The following TENM3 variants were observed in gnomAD, a reference collection of about 807,000 sequenced individuals.
TENM3 encodes the protein teneurin transmembrane protein 3.
A neutral mutation model predicts 255.1 loss-of-function variants in TENM3; 63 were observed. The observed-to-expected ratio is 0.25, with a 90% CI of 0.20 to 0.30. The LOEUF (loss-of-function observed/expected upper bound fraction) is 0.30. Among genes scored for constraint, TENM3 ranks in the 10% least tolerant of loss-of-function variants. TENM3 has a pLI of 1.00. For synonymous variants in TENM3, 1,306 were observed against 1,322.3 expected (o/e 0.99, Z 0.27); for missense variants, 2,929 against 3,461.1 (o/e 0.85, Z 3.86).
the TENM3 span, among the ~76,000 whole-genome samples, chr4:182,086,168 C>T: frequency 6.6e-6 from 1 of 152,204 alleles, no homozygotes; most frequent in African/African-American, 2.4e-5. Flanking sequence ...ATTGATAACA[C>T]GGTATAATGT....
At chr4:182,169,500 A>C (rs1040167629) in intron 1 of TENM3, 6 of 279,348 alleles carry the variant, frequency 2.1e-5, no homozygotes, top group Non-Finnish European at 4.2e-5. Flanking sequence ...ATATGTGAGG[A>C]GCTTTTTAGA....
intron 5 of TENM3, among the ~76,000 whole-genome samples, chr4:182,638,313 C>T (rs1024006409): frequency 6.6e-6 from 1 of 152,136 alleles, no homozygotes; most frequent in Non-Finnish European, 1.5e-5. Flanking sequence ...TTCATGAGTA[C>T]TCAATCTGTT....
chr4:182,123,589 T>A, the TENM3 span, among the ~76,000 whole-genome samples: 1 of 152,288 alleles, frequency 6.6e-6, no homozygotes, highest in African/African-American at 2.4e-5. Flanking sequence ...CATTTATTGA[T>A]GAAGTGTGCA....
chr4:181,468,119 G>A, the TENM3 span, among the ~76,000 whole-genome samples: 1 of 112,022 alleles, frequency 8.9e-6, no homozygotes, highest in African/African-American at 3.4e-5. Flanking sequence ...ATCACAGGGA[G>A]ACCCCATCTG....
chr4:181,655,484 T>C, the TENM3 span, among the ~76,000 whole-genome samples: 69 of 150,388 alleles, frequency 4.6e-4, no homozygotes, highest in African/African-American at 1.6e-3. Flanking sequence ...GGGAAACAAC[T>C]GTGAGCAAGA....
intron 12 of TENM3, among the ~76,000 whole-genome samples, chr4:182,703,324 C>A (rs998982215): frequency 6.6e-6 from 1 of 152,074 alleles, no homozygotes; most frequent in Non-Finnish European, 1.5e-5. Context: ...ATAACAATTA[C>A]AACAACAAAA....
intron 1 of TENM3, among the ~76,000 whole-genome samples, chr4:182,258,893 C>T: frequency 6.6e-6 from 1 of 152,178 alleles, no homozygotes; most frequent in East Asian, 1.9e-4. Context: ...GAAATGGCTC[C>T]AGAAACTCGA....
intron 3 of TENM3, among the ~76,000 whole-genome samples, chr4:182,569,563 A>G (rs78966576): frequency 2.4e-5 from 2 of 82,354 alleles, no homozygotes; most frequent in African/African-American, 1.4e-4. Context: ...CAAAAAAAGA[A>G]AAAAAAAAAA....
In TENM3 at chr4:182,754,313, C is replaced by CT; in HGVS notation, c.4018-71dup. ...ATTAATGCCAATTTCCCTGAATGGT[C>CT]TAATTTACTCTTCTGGCGAATTAAC... is the stretch of plus-strand genomic sequence containing the variant. On this transcript the variant is annotated intron_variant, in intron 21 of 27. Coordinates refer to ENST00000511685, the MANE Select transcript of TENM3 (RefSeq NM_001080477.4). This position sits in a 1 kb window ranked among gnomAD's most constrained non-coding sequence, Gnocchi z 5.1. 1 of 1,425,798 alleles carries CT rather than the reference C, an allele frequency of 7.0e-7. No individual in the cohort carries two copies. The highest frequency in any genetic ancestry group is 9.3e-7 in the Non-Finnish European group (1 of 1,069,608). The allele number at this position is 1,425,798 out of a possible 1,614,324, so 88.3% of individuals were successfully genotyped here. A position where few individuals can be genotyped will look rare whatever the true frequency, so the allele number is the denominator to read the frequency against.
chr4:181,767,569 G>A, the TENM3 span, among the ~76,000 whole-genome samples: 2 of 152,054 alleles, frequency 1.3e-5, no homozygotes, highest in African/African-American at 4.8e-5. Context: ...GCTTTTGAAT[G>A]TGGAGGCTTC....
chr4:182,539,960 T>G (rs958997141), intron 3 of TENM3, among the ~76,000 whole-genome samples: 5 of 152,226 alleles, frequency 3.3e-5, no homozygotes, highest in Non-Finnish European at 5.9e-5. Flanking sequence ...AGTGTCCTTA[T>G]TGCTGTATCC....
the TENM3 span, among the ~76,000 whole-genome samples, chr4:181,486,027 A>C: frequency 4.0e-5 from 6 of 151,840 alleles, no homozygotes; most frequent in East Asian, 1.9e-4. Flanking sequence ...GAAAAAAAAA[A>C]CCTGCAATAT....
chr4:182,134,929 C>T, the TENM3 span, among the ~76,000 whole-genome samples: 1 of 151,944 alleles, frequency 6.6e-6, no homozygotes. Context: ...AAAGTTTGGC[C>T]AGGTGCAGTG....
the TENM3 span, among the ~76,000 whole-genome samples, chr4:182,130,685 A>G: frequency 1.5e-5 from 2 of 130,532 alleles, no homozygotes; most frequent in East Asian, 4.4e-4. Context: ...CTGATCCTGT[A>G]TGCCGTTTTT....
intron 3 of TENM3, among the ~76,000 whole-genome samples, chr4:182,553,104 AG>A (rs2066728844): frequency 1.3e-5 from 2 of 151,932 alleles, no homozygotes; most frequent in South Asian, 4.2e-4. Context: ...CTACTTTTTT[AG>A]ACAGGGTCTC....
upstream of TENM3, among the ~76,000 whole-genome samples, chr4:182,240,725 C>T (rs1757197349): frequency 6.6e-6 from 1 of 152,162 alleles, no homozygotes; most frequent in Admixed American, 6.5e-5. Context: ...TGCCATTCCC[C>T]ATGGACACAG....
chr4:181,799,725 A>G, the TENM3 span, among the ~76,000 whole-genome samples: 1 of 144,074 alleles, frequency 6.9e-6, no homozygotes, highest in African/African-American at 2.5e-5. Context: ...TGGGATAATA[A>G]TAGATGAGTA....
intron 1 of TENM3, among the ~76,000 whole-genome samples, chr4:182,253,879 T>A (rs1758201808): frequency 6.6e-6 from 1 of 152,128 alleles, no homozygotes; most frequent in Non-Finnish European, 1.5e-5. Context: ...AAAATACAGT[T>A]TACAGCAAAA....
chr4:181,849,156 G>A, the TENM3 span, among the ~76,000 whole-genome samples: 6 of 152,148 alleles, frequency 3.9e-5, no homozygotes, highest in Admixed American at 1.3e-4. Context: ...AAGTAAAAGT[G>A]CTTAATATTC....
Sources: allele counts gnomAD v4.1 joint callset (sites outside exome capture counted in the v4.1 genomes callset), GRCh38; gene constraint gnomAD v4.1.1; non-coding constraint Gnocchi (gnomAD v3.1); transcripts MANE v1.5; gene names NCBI Gene and HGNC (gene_info 2026-07-23, HGNC 2026-07-21).